WDR49: variants seen among roughly 807,000 people sequenced by gnomAD.
WDR49 encodes the protein WD repeat domain 49.
Under a neutral mutation model 119.5 loss-of-function variants are expected in WDR49, and 107 were observed. The ratio of observed to expected loss-of-function variants is 0.90; its 90% CI spans 0.77 to 1.05. WDR49 has a LOEUF of 1.05. Among genes scored for constraint, WDR49 ranks in the 50% least tolerant of loss-of-function variants. The pLI, the probability that WDR49 is intolerant of heterozygous loss-of-function variation, is 0.00. For missense variants in WDR49, 1,240 were observed against 1,220.5 expected (o/e 1.02, Z -0.24); for synonymous variants, 425 against 418.8 (o/e 1.01, Z -0.18).
intron 7 of WDR49, among the ~76,000 whole-genome samples, chr3:167,588,809 T>C (rs1299870358): frequency 6.6e-6 from 1 of 152,184 alleles, no homozygotes; most frequent in Non-Finnish European, 1.5e-5. Flanking sequence ...CTAGAATTGT[T>C]TGAGCTCCTT....
intron 7 of WDR49, among the ~76,000 whole-genome samples, chr3:167,597,144 A>C (rs946406494): frequency 6.6e-6 from 1 of 152,206 alleles, no homozygotes; most frequent in African/African-American, 2.4e-5. Context: ...GGCCTGGCCC[A>C]GGGTCCTGCT....
intron 3 of WDR49, among the ~76,000 whole-genome samples, chr3:167,626,064 T>A (rs971215120): frequency 6.6e-6 from 1 of 152,058 alleles, no homozygotes; most frequent in Admixed American, 6.6e-5. Flanking sequence ...TGTACATGAC[T>A]GGATATTTCA....
At chr3:167,571,845 C>T (rs75068163) in intron 8 of WDR49, among the ~76,000 whole-genome samples, 8,849 of 152,088 alleles carry the variant, frequency 0.058, 694 homozygotes, top group African/African-American at 0.17. Flanking sequence ...ATTGTAAATA[C>T]CATTTACTCT....
chr3:167,646,017 T>C (rs1718105906), intron 2 of WDR49, among the ~76,000 whole-genome samples: 1 of 152,042 alleles, frequency 6.6e-6, no homozygotes, highest in African/African-American at 2.4e-5. Context: ...GGCCAGGAAA[T>C]TGTTGGGGAT....
intron 7 of WDR49, among the ~76,000 whole-genome samples, chr3:167,583,451 T>C (rs998465986): frequency 2.0e-5 from 3 of 151,942 alleles, no homozygotes; most frequent in Non-Finnish European, 4.4e-5. Context: ...TCTCAGCACT[T>C]TGGGAGGCCG....
chr3:167,491,373 G>A (rs1259090378), intron 18 of WDR49, among the ~76,000 whole-genome samples: 2 of 152,092 alleles, frequency 1.3e-5, no homozygotes, highest in Non-Finnish European at 2.9e-5. Context: ...TCTAGAAACA[G>A]CTAACCACAA....
rs1011460486 is a variant in WDR49 at position 167,625,297 on chromosome 3, C to G, written c.606+1555G>C. Among the ~76,000 whole-genome samples the G allele has an allele frequency of 1.6e-4, 25 of 151,912 alleles. 1 individual carries two copies. The highest frequency in any genetic ancestry group is 6.0e-4 in the African/African-American group (25 of 41,364). On this transcript the variant is annotated intron_variant, in intron 3 of 18. Transcript: ENST00000682715. ...ACTCAGAAGCCGACTTGCATTGTTC[C>G]CACTCTCTAAAGAGGGTACAATTTT...
chr3:167,631,526 C>T (rs1352989901), intron 2 of WDR49, among the ~76,000 whole-genome samples: 1 of 151,938 alleles, frequency 6.6e-6, no homozygotes, highest in Non-Finnish European at 1.5e-5. Flanking sequence ...GGCAAATTTG[C>T]AAGTATAAAA....
chr3:167,654,301 TTC>T (rs1718519202), upstream of WDR49, among the ~76,000 whole-genome samples: 1 of 152,162 alleles, frequency 6.6e-6, no homozygotes, highest in Middle Eastern at 3.2e-3. Flanking sequence ...GTTTCTTATA[TTC>T]TTTTTGTCTT....
intron 7 of WDR49, among the ~76,000 whole-genome samples, chr3:167,589,345 T>C (rs1266522013): frequency 6.6e-6 from 1 of 152,176 alleles, no homozygotes; most frequent in African/African-American, 2.4e-5. Context: ...TGTAGCTCCA[T>C]AGTATAATTT....
chr3:167,612,557 G>A (rs1446473393), intron 5 of WDR49, among the ~76,000 whole-genome samples: 1 of 151,578 alleles, frequency 6.6e-6, no homozygotes, highest in Non-Finnish European at 1.5e-5. Context: ...CAAGTTAAAA[G>A]GACAAAGCTT....
Position 167,531,183 on chromosome 3 carries a change from T to C in WDR49, c.2150A>G (p.Asp717Gly), listed in dbSNP as rs201984726. The change falls in exon 13 of 19, where the codon GAC (aspartate) becomes GGC (glycine). Residue 717 changes from aspartate to glycine, a missense_variant. By Grantham distance (94) the Asp-to-Gly change is moderately conservative. Coordinates refer to ENST00000682715, the MANE Select transcript of WDR49 (RefSeq NM_001366157.1). ...CATAACAGCATTTTTGCCCTCAGTG[T>C]CAATCTCAAAGTTGCGGACTCCCGT... ...STTGVRNFEI[D>G]TEGKNAVMRL... 4.3e-4 allele frequency: 696 copies of C among 1,612,266 alleles called. No homozygotes were observed. Among genetic ancestry groups the C allele is most frequent in the Middle Eastern group, 2.8e-3 (14 of 5,058 alleles).
intron 7 of WDR49, among the ~76,000 whole-genome samples, chr3:167,592,250 A>T (rs1218119727): frequency 6.6e-6 from 1 of 152,046 alleles, no homozygotes; most frequent in African/African-American, 2.4e-5. Context: ...TTCTATTTAT[A>T]TCTTATTGTA....
chr3:167,643,980 CT>C (rs972432112), intron 2 of WDR49, among the ~76,000 whole-genome samples: 1 of 151,068 alleles, frequency 6.6e-6, no homozygotes, highest in African/African-American at 2.4e-5. Flanking sequence ...CAAAAACTGG[CT>C]ACCAGATCAT....
chr3:167,505,519 C>CA (rs1444735482), intron 16 of WDR49, 103 bp from the exon 17 acceptor site: 2 of 1,337,260 alleles, frequency 1.5e-6, no homozygotes, highest in South Asian at 1.7e-5. Flanking sequence ...AAAACAAAAA[C>CA]AAAAAATCTA....
At chr3:167,609,010 G>T (rs1403064198) in intron 5 of WDR49, among the ~76,000 whole-genome samples, 2 of 152,076 alleles carry the variant, frequency 1.3e-5, no homozygotes, top group Non-Finnish European at 2.9e-5. Flanking sequence ...AGTTAATGTG[G>T]GAAAGTGATT....
At chr3:167,526,980 G>A (rs144690383) in intron 15 of WDR49, among the ~76,000 whole-genome samples, 21 of 152,204 alleles carry the variant, frequency 1.4e-4, no homozygotes, top group South Asian at 4.1e-4. Context: ...GTCCGCAAAA[G>A]CACAAATGGA....
chr3:167,523,234 C>G (rs571466315), intron 15 of WDR49, among the ~76,000 whole-genome samples: 98 of 152,008 alleles, frequency 6.4e-4, no homozygotes, highest in African/African-American at 2.2e-3. Flanking sequence ...TGAATTGAAC[C>G]TAATACAAGA....
At chr3:167,525,937 T>A (rs1208078233) in intron 15 of WDR49, among the ~76,000 whole-genome samples, 1 of 151,896 alleles carries the variant, frequency 6.6e-6, no homozygotes, top group Non-Finnish European at 1.5e-5. Context: ...TTCTGTTTCT[T>A]CTTCCCCACA....
Sources: gnomAD v4.1 joint callset for allele counts (sites outside exome capture counted in the v4.1 genomes callset) on GRCh38, gnomAD v4.1.1 for gene constraint, MANE v1.5 for transcripts, NCBI Gene and HGNC (gene_info 2026-07-23, HGNC 2026-07-21) for gene names.